The following FBXL20 variants were observed in gnomAD, a reference collection of about 807,000 sequenced individuals.
FBXL20 encodes the protein F-box and leucine rich repeat protein 20.
In FBXL20, 11 loss-of-function variants were observed where a neutral mutation model predicts 64.0. That is an observed-to-expected ratio of 0.17 (90% confidence interval 0.11 to 0.28). The LOEUF is 0.28. FBXL20 is among the 10% of genes least tolerant of loss of function. The probability of loss-of-function intolerance (pLI) is 1.00; values close to 1 mark genes in which losing one functional copy is unlikely to be tolerated. For synonymous variants in FBXL20, 184 were observed against 189.0 expected (o/e 0.97, Z 0.22); for missense variants, 303 against 526.2 (o/e 0.58, Z 4.15).
intron 1 of FBXL20, among the ~76,000 whole-genome samples, chr17:39,370,750 G>A (rs1027710076): frequency 3.1e-4 from 45 of 146,010 alleles, no homozygotes; most frequent in Admixed American, 1.4e-4. Flanking sequence ...AGCCGAGATC[G>A]CGCCACTGCA....
intron 12 of FBXL20, among the ~76,000 whole-genome samples, chr17:39,266,746 C>T (rs186678456): frequency 1.4e-4 from 21 of 152,336 alleles, no homozygotes; most frequent in Middle Eastern, 3.4e-3. Flanking sequence ...GCTACCTGAA[C>T]CTGTTCTATG....
chr17:39,267,313 A>T (rs963884849), intron 12 of FBXL20, among the ~76,000 whole-genome samples: 3 of 152,070 alleles, frequency 2.0e-5, no homozygotes, highest in Non-Finnish European at 2.9e-5. Flanking sequence ...GCAAGAAAAA[A>T]AACAGTCTGA....
intron 1 of FBXL20, among the ~76,000 whole-genome samples, chr17:39,351,244 G>A (rs1340436518): frequency 1.3e-5 from 2 of 151,020 alleles, no homozygotes; most frequent in East Asian, 1.9e-4. Flanking sequence ...GCTGAGGCAG[G>A]AGAATTGCTC....
chr17:39,271,201 C>G (rs943271623), intron 10 of FBXL20, among the ~76,000 whole-genome samples: 8 of 152,150 alleles, frequency 5.3e-5, no homozygotes, highest in East Asian at 1.9e-4. Flanking sequence ...TCCTAGAAAA[C>G]AAAGGAAACG....
chr17:39,333,467 A>G (rs575783497), intron 2 of FBXL20, among the ~76,000 whole-genome samples: 1 of 152,292 alleles, frequency 6.6e-6, no homozygotes, highest in East Asian at 1.9e-4. Flanking sequence ...CCCAGGCTGG[A>G]GCGCAGTGGC....
chr17:39,401,287 T>G, intron 1 of FBXL20, 74 bp downstream of exon 1: 1 of 1,608,428 alleles, frequency 6.2e-7, no homozygotes, highest in Admixed American at 1.7e-5. Flanking sequence ...GGAGGCTCCG[T>G]GCGGAGCGGA....
chr17:39,300,948 C>G (rs1242655238), intron 4 of FBXL20, 53 bp downstream of exon 4: 2 of 1,515,086 alleles, frequency 1.3e-6, no homozygotes, highest in Non-Finnish European at 1.8e-6. Flanking sequence ...CTAATCTGTT[C>G]CATGCTGTAA....
chr17:39,296,728 A>G lies in FBXL20; in HGVS notation c.398+399T>C, dbSNP rs954580219. Among the ~76,000 whole-genome samples, 5 of 152,144 alleles carry G rather than the reference A, an allele frequency of 3.3e-5. No homozygotes were observed. The South Asian group carries it at 8.3e-4, about 25-fold the overall frequency. Reference sequence around the variant, plus strand: ...ACAGCACATTTAGTGAATCATTTTCATTTAATAACTGTTCTCAGGACTGAT... The same window carrying G: ...ACAGCACATTTAGTGAATCATTTTCGTTTAATAACTGTTCTCAGGACTGAT... On this transcript the variant is annotated intron_variant, in intron 6 of 14. Coordinates refer to ENST00000264658, the MANE Select transcript of FBXL20 (RefSeq NM_032875.3).
intron 1 of FBXL20, among the ~76,000 whole-genome samples, chr17:39,392,107 AG>A (rs2048139480): frequency 1.3e-5 from 2 of 152,286 alleles, no homozygotes; most frequent in African/African-American, 4.8e-5. Context: ...ACTGCACTCT[AG>A]CCCAGGCGAC....
chr17:39,396,095 T>C (rs2048180643), intron 1 of FBXL20, among the ~76,000 whole-genome samples: 1 of 151,206 alleles, frequency 6.6e-6, no homozygotes, highest in African/African-American at 2.4e-5. Flanking sequence ...AAGGTCTTTA[T>C]TTCAGCCTTA....
At chr17:39,333,303 G>A (rs1188546344) in intron 2 of FBXL20, among the ~76,000 whole-genome samples, 4 of 152,282 alleles carry the variant, frequency 2.6e-5, no homozygotes, top group African/African-American at 4.8e-5. Flanking sequence ...GCGCCGCCAC[G>A]CCTGACTGGT....
intron 1 of FBXL20, among the ~76,000 whole-genome samples, chr17:39,377,732 G>C (rs1382311656): frequency 6.6e-6 from 1 of 152,120 alleles, no homozygotes; most frequent in Non-Finnish European, 1.5e-5. Flanking sequence ...TCGATCTCCT[G>C]ACCTCGTGAT....
chr17:39,317,044 A>G (rs1359703860), intron 2 of FBXL20, among the ~76,000 whole-genome samples: 1 of 152,226 alleles, frequency 6.6e-6, no homozygotes, highest in African/African-American at 2.4e-5. Flanking sequence ...GTTCTTGGAT[A>G]GCATAATTTA....
At chr17:39,359,567 C>T (rs1237289116) in intron 1 of FBXL20, among the ~76,000 whole-genome samples, 1 of 151,778 alleles carries the variant, frequency 6.6e-6, no homozygotes, top group African/African-American at 2.4e-5. Flanking sequence ...CACGCAACTG[C>T]ACTCCGGCCT....
chr17:39,270,539 A>G (rs891808197), intron 11 of FBXL20, among the ~76,000 whole-genome samples: 2 of 152,042 alleles, frequency 1.3e-5, no homozygotes, highest in Non-Finnish European at 2.9e-5. Flanking sequence ...GCGAGACCCC[A>G]TCTCAAAAAA....
chr17:39,273,751 C>T (rs528866457), intron 10 of FBXL20, among the ~76,000 whole-genome samples: 1 of 147,474 alleles, frequency 6.8e-6, no homozygotes, highest in Non-Finnish European at 1.5e-5. Context: ...ACCCAGGAGA[C>T]GGAGGTTGCA....
intron 1 of FBXL20, among the ~76,000 whole-genome samples, chr17:39,383,912 A>T (rs1024395113): frequency 2.6e-5 from 4 of 151,512 alleles, no homozygotes; most frequent in Non-Finnish European, 4.4e-5. Context: ...TTTAATTTTT[A>T]AAAAATTTAT....
At chr17:39,282,074 A>G (rs2046954510) in intron 8 of FBXL20, among the ~76,000 whole-genome samples, 1 of 152,220 alleles carries the variant, frequency 6.6e-6, no homozygotes, top group South Asian at 2.1e-4. Flanking sequence ...GTGATAAAAG[A>G]ATCAGGGCAC....
At chr17:39,275,721 T>C (rs889178717) in intron 9 of FBXL20, among the ~76,000 whole-genome samples, 2 of 151,880 alleles carry the variant, frequency 1.3e-5, no homozygotes, top group Admixed American at 6.6e-5. Flanking sequence ...CAATTAAATA[T>C]TAAAACCTAG....
Sources: gnomAD v4.1 joint callset for allele counts (sites outside exome capture counted in the v4.1 genomes callset) on GRCh38, gnomAD v4.1.1 for gene constraint, MANE v1.5 for transcripts, NCBI Gene and HGNC (gene_info 2026-07-23, HGNC 2026-07-21) for gene names.